Variants in IMMP2L observed in about 807,000 individuals in gnomAD.
The protein encoded by IMMP2L is inner mitochondrial membrane peptidase subunit 2.
IMMP2L carries 18 observed loss-of-function variants against 19.3 expected under a neutral mutation model. The ratio of observed to expected loss-of-function variants is 0.93; its 90% CI spans 0.64 to 1.38. IMMP2L has a LOEUF of 1.38. IMMP2L is among the 40% of genes most tolerant of loss of function. The pLI is 0.00. For synonymous variants in IMMP2L, 76 were observed against 73.0 expected, an observed-to-expected ratio of 1.04 and a Z score of -0.21; for missense variants, 233 against 218.2, an observed-to-expected ratio of 1.07 and a Z score of -0.43.
At chr7:110,747,024 C>T (rs912660185) in intron 5 of IMMP2L, among the ~76,000 whole-genome samples, 1 of 151,676 alleles carries the variant, frequency 6.6e-6, no homozygotes, top group Admixed American at 6.6e-5. Context: ...AATAAAGAAA[C>T]AAGAGAGAAG....
intron 4 of IMMP2L, among the ~76,000 whole-genome samples, chr7:110,935,817 A>G (rs1486549002): frequency 6.6e-6 from 1 of 152,174 alleles, no homozygotes; most frequent in African/African-American, 2.4e-5. Context: ...GGCTACAGTA[A>G]CCAAAACAGC....
At chr7:110,699,309 A>T (rs966735621) in intron 5 of IMMP2L, among the ~76,000 whole-genome samples, 3 of 152,204 alleles carry the variant, frequency 2.0e-5, no homozygotes, top group African/African-American at 7.2e-5. Context: ...CAGAATATTA[A>T]GTCATATTAG....
At chr7:110,740,572 T>TA in intron 5 of IMMP2L, among the ~76,000 whole-genome samples, 1 of 152,014 alleles carries the variant, frequency 6.6e-6, no homozygotes, top group African/African-American at 2.4e-5. Flanking sequence ...AAATGGTAAT[T>TA]AAAAAAACTG....
rs1327057460 is a variant in IMMP2L at position 110,886,606 on chromosome 7, T to C, written c.395A>G (p.Asn132Ser). 2 of 1,592,154 alleles carry C rather than the reference T, an allele frequency of 1.3e-6. No individual in the cohort carries two copies. Among genetic ancestry groups the C allele is most frequent in the South Asian group, 2.2e-5 (2 of 90,586 alleles). The change falls in exon 5 of 6, where the codon AAT becomes AGT. Residue 132 changes from asparagine to serine, a missense_variant. Coordinates refer to ENST00000405709, the MANE Select transcript of IMMP2L (RefSeq NM_032549.4). ...GDHHGHSFDS[N>S]SFGPVSLGLL... ...AAGATGACTTACCGGCCCAAAAGAA[T>C]TACTGTCAAAACTGTGTCCATGATG...
At chr7:110,925,911 TAA>T (rs751175980) in intron 4 of IMMP2L, among the ~76,000 whole-genome samples, 2 of 152,072 alleles carry the variant, frequency 1.3e-5, no homozygotes, top group African/African-American at 2.4e-5. Flanking sequence ...ACACATAGTA[TAA>T]GACCTAATTT....
At chr7:110,939,934 C>G (rs1026164781) in intron 4 of IMMP2L, among the ~76,000 whole-genome samples, 1 of 152,150 alleles carries the variant, frequency 6.6e-6, no homozygotes, top group African/African-American at 2.4e-5. Flanking sequence ...GTGGGCAAAA[C>G]AGTAGTACTA....
chr7:110,806,717 C>T (rs1175663146), intron 5 of IMMP2L, among the ~76,000 whole-genome samples: 1 of 151,938 alleles, frequency 6.6e-6, no homozygotes, highest in Non-Finnish European at 1.5e-5. Context: ...TTCTGGTCAA[C>T]TTCTCAATTT....
chr7:111,231,560 C>A (rs1040034968), intron 3 of IMMP2L, among the ~76,000 whole-genome samples: 1 of 151,948 alleles, frequency 6.6e-6, no homozygotes, highest in African/African-American at 2.4e-5. Context: ...TTTTTCCCCT[C>A]TCATACCAGT....
At chr7:110,763,841 T>C (rs1798494746) in intron 5 of IMMP2L, among the ~76,000 whole-genome samples, 2 of 152,142 alleles carry the variant, frequency 1.3e-5, no homozygotes, top group South Asian at 4.1e-4. Context: ...TGTAGGTATA[T>C]GGGTGCTTCT....
intron 5 of IMMP2L, among the ~76,000 whole-genome samples, chr7:110,754,649 G>A (rs1457098967): frequency 4.6e-5 from 7 of 151,942 alleles, no homozygotes; most frequent in East Asian, 1.9e-4. Context: ...TCTGCTTACC[G>A]CTTAGTATAA....
intron 1 of IMMP2L, among the ~76,000 whole-genome samples, chr7:111,551,884 A>G (rs1790698389): frequency 6.6e-6 from 1 of 152,152 alleles, no homozygotes; most frequent in Non-Finnish European, 1.5e-5. Context: ...AGAATTTTCC[A>G]GTAAAAAATA....
chr7:111,222,891 G>C (rs551416673), intron 3 of IMMP2L, among the ~76,000 whole-genome samples: 1 of 151,674 alleles, frequency 6.6e-6, no homozygotes, highest in Admixed American at 6.6e-5. Context: ...TCCTGATATC[G>C]GTACATATAG....
At chr7:111,236,296 CTTTG>C (rs1562956031) in intron 3 of IMMP2L, among the ~76,000 whole-genome samples, 1 of 152,024 alleles carries the variant, frequency 6.6e-6, no homozygotes, top group African/African-American at 2.4e-5. Context: ...CATCCTTGAG[CTTTG>C]TTTGAGAAAA....
At chr7:111,230,394 TC>T (rs1260284695) in intron 3 of IMMP2L, among the ~76,000 whole-genome samples, 2 of 152,166 alleles carry the variant, frequency 1.3e-5, no homozygotes, top group African/African-American at 4.8e-5. Context: ...ATAAAGAGAT[TC>T]AAAAGGGAAG....
At chr7:110,714,141 T>C (rs560434830) in intron 5 of IMMP2L, among the ~76,000 whole-genome samples, 2 of 152,328 alleles carry the variant, frequency 1.3e-5, no homozygotes, top group South Asian at 4.1e-4. Flanking sequence ...CATGAAGAGA[T>C]GTTGGATTTT....
chr7:110,889,346 A>T (rs770912511), intron 4 of IMMP2L, among the ~76,000 whole-genome samples: 2 of 152,114 alleles, frequency 1.3e-5, no homozygotes, highest in Non-Finnish European at 2.9e-5. Context: ...TTTTCCTGTA[A>T]CTAGATGGTT....
intron 3 of IMMP2L, among the ~76,000 whole-genome samples, chr7:111,471,945 C>T (rs1384962132): frequency 6.6e-6 from 1 of 152,058 alleles, no homozygotes; most frequent in Admixed American, 6.6e-5. Flanking sequence ...AAACAAAACC[C>T]AGACTAGAAC....
chr7:110,726,563 T>G (rs1315294357), intron 5 of IMMP2L, among the ~76,000 whole-genome samples: 1 of 152,168 alleles, frequency 6.6e-6, no homozygotes, highest in Admixed American at 6.5e-5. Flanking sequence ...AAAGTCCTAG[T>G]ATCTGAAATT....
intron 3 of IMMP2L, among the ~76,000 whole-genome samples, chr7:110,985,543 T>C (rs533313429): frequency 2.0e-5 from 3 of 152,190 alleles, no homozygotes; most frequent in Non-Finnish European, 4.4e-5. Flanking sequence ...AACATAGTTA[T>C]AGTTGATGAT....
Sources: gnomAD v4.1 joint callset for allele counts (sites outside exome capture counted in the v4.1 genomes callset) on GRCh38, gnomAD v4.1.1 for gene constraint, MANE v1.5 for transcripts, NCBI Gene and HGNC (gene_info 2026-07-23, HGNC 2026-07-21) for gene names.